The following CAP2 variants were observed in gnomAD, a reference collection of about 807,000 sequenced individuals.
CAP2 encodes the protein cyclase associated actin cytoskeleton regulatory protein 2, also known as adenylyl cyclase-associated protein 2.
In CAP2, 24 loss-of-function variants were observed where a neutral mutation model predicts 57.7. That is an observed-to-expected ratio of 0.42 (90% CI 0.30 to 0.58). The LOEUF is 0.58. Among genes scored for constraint, CAP2 ranks in the 20% least tolerant of loss-of-function variants. The pLI is 0.22. For missense variants in CAP2, 501 were observed against 590.3 expected (o/e 0.85, Z 1.57); for synonymous variants, 194 against 207.2 (o/e 0.94, Z 0.55).
intron 7 of CAP2, among the ~76,000 whole-genome samples, chr6:17,537,270 T>G (rs79477920): frequency 0.098 from 14,873 of 152,160 alleles, 855 homozygotes; most frequent in South Asian, 0.16. Context: ...CACTGCAACC[T>G]CTGCCTCCCA....
rs937019569 is a variant in CAP2 at position 17,433,415 on chromosome 6, T to C, written c.222+6725T>C. ...TGGCAGCTGTGTCTCCCACCACCCTTGTGGTAATTGGCTGACTGGTGAGAA... is the reference window on the plus strand; with the variant it reads ...TGGCAGCTGTGTCTCCCACCACCCTCGTGGTAATTGGCTGACTGGTGAGAA... On this transcript the variant is annotated intron_variant, in intron 3 of 12. Transcript: ENST00000229922. 2.0e-5 allele frequency among the ~76,000 whole-genome samples: 3 copies of C among 152,286 alleles called. No homozygotes were observed. In the South Asian group the frequency reaches 6.2e-4, roughly 32 times the overall value.
chr6:17,544,451 A>G (rs1172665757), intron 11 of CAP2, among the ~76,000 whole-genome samples: 2 of 152,218 alleles, frequency 1.3e-5, no homozygotes, highest in African/African-American at 4.8e-5. Flanking sequence ...TCTGTGAATT[A>G]AAATATATAA....
intron 1 of CAP2, among the ~76,000 whole-genome samples, chr6:17,397,065 C>T (rs774747217): frequency 3.3e-5 from 5 of 152,068 alleles, no homozygotes; most frequent in Non-Finnish European, 5.9e-5. Flanking sequence ...TTTATAATCT[C>T]GCATTCTCTT....
At chr6:17,511,147 C>T (rs1367302202) in intron 6 of CAP2, among the ~76,000 whole-genome samples, 1 of 152,132 alleles carries the variant, frequency 6.6e-6, no homozygotes, top group Non-Finnish European at 1.5e-5. Flanking sequence ...GCTGGAAGTG[C>T]AAATGCATTC....
At chr6:17,455,812 G>A (rs1015163981) in intron 3 of CAP2, among the ~76,000 whole-genome samples, 2 of 152,214 alleles carry the variant, frequency 1.3e-5, no homozygotes, top group African/African-American at 4.8e-5. Context: ...TGGGATTACA[G>A]GCGTGAGCCA....
chr6:17,430,506 T>C (rs935079057), intron 3 of CAP2, among the ~76,000 whole-genome samples: 3 of 151,928 alleles, frequency 2.0e-5, no homozygotes, highest in Non-Finnish European at 4.4e-5. Flanking sequence ...TGGTTGGACA[T>C]CATTTATCCA....
At chr6:17,504,353 G>A (rs1177726393) in intron 4 of CAP2, among the ~76,000 whole-genome samples, 1 of 152,182 alleles carries the variant, frequency 6.6e-6, no homozygotes, top group African/African-American at 2.4e-5. Flanking sequence ...TTGGTGTAAA[G>A]TCCCAGAGCT....
chr6:17,404,562 G>A (rs557439863), intron 1 of CAP2, among the ~76,000 whole-genome samples: 14 of 151,212 alleles, frequency 9.3e-5, no homozygotes, highest in African/African-American at 1.9e-4. Flanking sequence ...CCCAGATGGC[G>A]CCACTGCACT....
intron 7 of CAP2, among the ~76,000 whole-genome samples, chr6:17,516,552 A>G (rs1348150728): frequency 6.6e-6 from 1 of 152,236 alleles, no homozygotes; most frequent in East Asian, 1.9e-4. Flanking sequence ...CTCACAAATT[A>G]CCACTAAAGA....
At chr6:17,540,265 G>A (rs1762867658) in intron 8 of CAP2, among the ~76,000 whole-genome samples, 3 of 152,140 alleles carry the variant, frequency 2.0e-5, no homozygotes, top group South Asian at 2.1e-4. Flanking sequence ...GAATGGATTC[G>A]TAAAGTCAAT....
intron 4 of CAP2, among the ~76,000 whole-genome samples, chr6:17,474,183 G>GTGT (rs1561796154): frequency 1.9e-5 from 2 of 104,734 alleles, no homozygotes; most frequent in Admixed American, 1.0e-4. Context: ...GAAAAAAACA[G>GTGT]TCTTTTTTTT....
At chr6:17,524,265 A>C (rs1216497839) in intron 7 of CAP2, among the ~76,000 whole-genome samples, 1 of 152,180 alleles carries the variant, frequency 6.6e-6, no homozygotes, top group Non-Finnish European at 1.5e-5. Context: ...AAAAATAGTC[A>C]AATATCTCCA....
rs556944269 is a variant in CAP2, at chr6:17,546,879, G to A, written c.1209+3736G>A. 2.0e-5 allele frequency among the ~76,000 whole-genome samples: 3 copies of A among 152,270 alleles called. No individual in the cohort carries two copies. In the South Asian group the frequency reaches 6.2e-4, roughly 32 times the overall value. ...TAAAGGGTATTCAATTAGGAAAAGA[G>A]GAAGTCAAATTGTCCCTGTTTGCAG... On this transcript the variant is annotated intron_variant, in intron 11 of 12. Transcript: ENST00000229922.
intron 4 of CAP2, among the ~76,000 whole-genome samples, chr6:17,464,455 C>T (rs941453565): frequency 6.6e-6 from 1 of 152,062 alleles, no homozygotes; most frequent in East Asian, 1.9e-4. Context: ...GAGGCAAGAC[C>T]AGAGACCTGA....
Position 17,454,545 on chromosome 6 carries a change from C to T in CAP2, c.223-8451C>T, listed in dbSNP as rs116251942. ...TCCTTTCACTCTTCTTTTGTAATCT[C>T]CCATTATCATGGCTGCCCTGTGCTC... is the stretch of plus-strand genomic sequence containing the variant. On this transcript the variant is annotated intron_variant, in intron 3 of 12. Coordinates refer to ENST00000229922, the MANE Select transcript of CAP2 (RefSeq NM_006366.3). 6.7e-3 allele frequency among the ~76,000 whole-genome samples: 1,021 copies of T among 152,292 alleles called. 11 individuals carry two copies. Among genetic ancestry groups the T allele is most frequent in the African/African-American group, 0.023 (967 of 41,568 alleles).
intron 4 of CAP2, among the ~76,000 whole-genome samples, chr6:17,465,211 G>A (rs1402645450): frequency 1.1e-4 from 16 of 152,010 alleles, no homozygotes. Context: ...TTTAAAGATG[G>A]GTTCTTGCTC....
intron 4 of CAP2, among the ~76,000 whole-genome samples, chr6:17,475,899 A>C (rs1219960321): frequency 6.6e-6 from 1 of 152,264 alleles, no homozygotes; most frequent in South Asian, 2.1e-4. Flanking sequence ...GTCTCTGTGC[A>C]GATGGAATCT....
chr6:17,450,077 G>T (rs1282420094), intron 3 of CAP2, among the ~76,000 whole-genome samples: 1 of 150,748 alleles, frequency 6.6e-6, no homozygotes, highest in Admixed American at 6.6e-5. Context: ...TTTAAGACTG[G>T]GTCTTGCTCT....
chr6:17,404,387 C>A (rs537366919), intron 1 of CAP2, among the ~76,000 whole-genome samples: 20 of 152,128 alleles, frequency 1.3e-4, no homozygotes, highest in Admixed American at 2.0e-4. Context: ...GGGCAGATCA[C>A]GAGGTCAGGA....
Sources: allele counts gnomAD v4.1 joint callset (sites outside exome capture counted in the v4.1 genomes callset), GRCh38; gene constraint gnomAD v4.1.1; transcripts MANE v1.5; gene names NCBI Gene and HGNC (gene_info 2026-07-23, HGNC 2026-07-21).